The following NFASC variants were observed in gnomAD, a reference collection of about 807,000 sequenced individuals.
NFASC encodes the protein neurofascin, also known as neurofascin homolog.
A neutral mutation model predicts 147.5 loss-of-function variants in NFASC; 43 were observed. The observed-to-expected ratio is 0.29, with a 90% CI of 0.23 to 0.38. The LOEUF is 0.38. NFASC is among the 10% of genes least tolerant of loss of function. The pLI is 1.00. For synonymous variants in NFASC, 622 were observed against 665.5 expected (o/e 0.93, Z 1.01); for missense variants, 1,320 against 1,689.0 (o/e 0.78, Z 3.83).
chr1:204,953,990 C>T (rs751654309), intron 5 of NFASC, among the ~76,000 whole-genome samples, 198 bp from the exon 6 acceptor site: 1 of 151,994 alleles, frequency 6.6e-6, no homozygotes, highest in Non-Finnish European at 1.5e-5. Flanking sequence ...TTGGGTGGGA[C>T]CTGGGACTTT....
In NFASC at chr1:204,987,361, C is replaced by T. The variant is rs2095637882; in HGVS notation, c.2471-57C>T. On this transcript the variant is annotated intron_variant, in intron 21 of 29. Transcript: ENST00000339876. The surrounding 1 kb of genome is among the most constrained non-coding windows in gnomAD (Gnocchi z 4.4). The stretch of plus-strand genomic sequence containing the variant: ...ACTTGTGCTTTGTTTTTTGTGTTTT[C>T]CTCATCCTCCCTGCCCCCTCCCCCT... 3 of 1,536,554 alleles carry T rather than the reference C, an allele frequency of 2.0e-6. No individual in the cohort carries two copies. Among genetic ancestry groups the T allele is most frequent in the Admixed American group, 1.9e-5 (1 of 52,764 alleles).
chr1:204,998,876 C>G (rs1259935239), intron 25 of NFASC: 1 of 152,182 alleles, frequency 6.6e-6, no homozygotes, highest in African/African-American at 2.4e-5. Flanking sequence ...AGGACCAGCC[C>G]CTCCAGAGTC....
At chr1:204,901,658 G>A (rs576451546) in intron 1 of NFASC, among the ~76,000 whole-genome samples, 2 of 152,260 alleles carry the variant, frequency 1.3e-5, no homozygotes, top group South Asian at 4.1e-4. Context: ...GCCTTTCCTT[G>A]TGAAGGAAAG....
chr1:204,913,070 A>G (rs776846145), intron 1 of NFASC, among the ~76,000 whole-genome samples: 12 of 152,308 alleles, frequency 7.9e-5, no homozygotes, highest in African/African-American at 2.6e-4. Flanking sequence ...ATAACTTTCA[A>G]TGTGGTGGGA....
chr1:204,983,366 G>C (rs972096553), intron 21 of NFASC, among the ~76,000 whole-genome samples: 2 of 152,150 alleles, frequency 1.3e-5, no homozygotes, highest in African/African-American at 4.8e-5. Context: ...ATTCTCAAAA[G>C]GAACTATTTA....
At chr1:204,932,742 T>C (rs1053645108) in intron 2 of NFASC, among the ~76,000 whole-genome samples, 21 of 152,194 alleles carry the variant, frequency 1.4e-4, no homozygotes, top group African/African-American at 4.6e-4. Flanking sequence ...AAGCCTAAGA[T>C]AGTCACTATC....
intron 1 of NFASC, among the ~76,000 whole-genome samples, chr1:204,896,296 G>T (rs2083383568): frequency 6.6e-6 from 1 of 152,196 alleles, no homozygotes; most frequent in Non-Finnish European, 1.5e-5. Context: ...GACGGGTCTA[G>T]AATGTGAATT....
At chr1:204,982,685 C>T (rs556113567) in intron 21 of NFASC, among the ~76,000 whole-genome samples, 1 of 152,370 alleles carries the variant, frequency 6.6e-6, no homozygotes, top group East Asian at 1.9e-4. Flanking sequence ...CGGTGGTGGC[C>T]TCTCTGTCCC....
In NFASC at chr1:205,016,886, G is replaced by A. The variant is rs903621579; in HGVS notation, c.*347G>A. 5 of 385,048 alleles carry A rather than the reference G, an allele frequency of 1.3e-5. 1 individual carries two copies. The highest frequency in any genetic ancestry group is 1.2e-4 in the East Asian group (2 of 16,772). 23.9% of individuals were successfully genotyped at this position (385,048 alleles called of 1,614,324 possible). A position where few individuals can be genotyped will look rare whatever the true frequency, so the allele number is the denominator to read the frequency against. ...CGCTCACCTTTTCTGTTGGTTACGG[G>A]ACTTCTCATTGTCTTAATTTCGCTT... On this transcript the variant is annotated 3_prime_UTR_variant, in exon 30 of 30. Transcript: ENST00000339876. This position sits in a 1 kb window ranked among gnomAD's most constrained non-coding sequence, Gnocchi z 5.1.
At chr1:204,850,075 T>G (rs1399985592) in intron 1 of NFASC, among the ~76,000 whole-genome samples, 1 of 152,208 alleles carries the variant, frequency 6.6e-6, no homozygotes, top group Non-Finnish European at 1.5e-5. Context: ...AAGAGAGGAC[T>G]TGGAGTAAGG....
rs1250065026 is a variant in NFASC at position 205,017,099 on chromosome 1, CA to C, written c.*561del. The C allele has an allele frequency of 5.7e-6, 1 of 174,094 alleles. No individual in the cohort carries two copies. The highest frequency in any genetic ancestry group is 2.4e-5 in the African/African-American group (1 of 42,340). The allele number at this position is 174,094 out of a possible 1,614,324, so 10.8% of individuals were successfully genotyped here. ...TATTCAAACCACCTCTGGGCCAATG[CA>C]TTTCCAAAGGATGCCTTTCTCGCCA... On this transcript the variant is annotated 3_prime_UTR_variant, in exon 30 of 30. Coordinates refer to ENST00000339876, the MANE Select transcript of NFASC (RefSeq NM_001005388.3).
chr1:204,973,913 G>T (rs1345538366), intron 12 of NFASC, among the ~76,000 whole-genome samples: 1 of 152,192 alleles, frequency 6.6e-6, no homozygotes, highest in Non-Finnish European at 1.5e-5. Context: ...TGATGGGGCA[G>T]CTATGGAACC....
At chr1:204,990,202 T>G (rs1396316317) in intron 23 of NFASC, 2 of 152,136 alleles carry the variant, frequency 1.3e-5, no homozygotes, top group East Asian at 3.9e-4. Flanking sequence ...CAACCAGCTC[T>G]CCCTCCTGCT....
Position 204,874,116 on chromosome 1 carries a change from GCT to G in NFASC, c.-200+45341_-200+45342del, listed in dbSNP as rs148669344. On this transcript the variant is annotated intron_variant, in intron 1 of 29. Coordinates refer to ENST00000339876, the MANE Select transcript of NFASC (RefSeq NM_001005388.3). Reference sequence around the variant, plus strand: ...TTAGCACAGGAGTAGGAAGGAGGAGGCTCTCTCTGTCCAGTCCTATGCAGCCT... The same window carrying G: ...TTAGCACAGGAGTAGGAAGGAGGAGGCTCTCTGTCCAGTCCTATGCAGCCT... Among the ~76,000 whole-genome samples the G allele has an allele frequency of 2.3e-3, 349 of 152,272 alleles. 3 individuals are homozygous for G. Among genetic ancestry groups the G allele is most frequent in the African/African-American group, 7.7e-3 (321 of 41,538 alleles).
chr1:204,872,307 T>C (rs2077873292), intron 1 of NFASC, among the ~76,000 whole-genome samples: 1 of 152,232 alleles, frequency 6.6e-6, no homozygotes, highest in Non-Finnish European at 1.5e-5. Flanking sequence ...GAGGAGGCTC[T>C]ACAGAGAATT....
chr1:204,841,322 C>T lies in NFASC; in HGVS notation c.-200+12540C>T, dbSNP rs181519542. ...GTGTCTGATTCCAAAGTCTCCTAAT[C>T]CCAGCTCATTACCCATTGGGAAACT... is the stretch of plus-strand genomic sequence containing the variant. On this transcript the variant is annotated intron_variant, in intron 1 of 29. Transcript: ENST00000339876. Among the ~76,000 whole-genome samples the T allele has an allele frequency of 1.1e-3, 174 of 152,358 alleles. 3 individuals carry two copies. The highest frequency in any genetic ancestry group is 7.1e-3 in the Admixed American group (108 of 15,308).
chr1:205,002,760 C>A lies in NFASC; in HGVS notation c.3289+12C>A. 7.0e-7 allele frequency: 1 copy of A among 1,432,914 alleles called. No individual in the cohort carries two copies. The highest frequency in any genetic ancestry group is 1.5e-5 in the South Asian group (1 of 64,884). 88.8% of individuals were successfully genotyped at this position (1,432,914 alleles called of 1,614,324 possible). Reference sequence around the variant, plus strand: ...TATGACCAGTACAGGTGAGAGGGGACCTGGCCTGGCCATCCCCTGCAAGCA... The same window carrying A: ...TATGACCAGTACAGGTGAGAGGGGAACTGGCCTGGCCATCCCCTGCAAGCA... On this transcript the variant is annotated intron_variant, in intron 27 of 29. Transcript: ENST00000339876.
chr1:204,976,487 G>C (rs575982291), intron 15 of NFASC, among the ~76,000 whole-genome samples, 184 bp from the exon 16 acceptor site: 1 of 152,304 alleles, frequency 6.6e-6, no homozygotes, highest in African/African-American at 2.4e-5. Context: ...CATCAAGTAT[G>C]ATGAGTGCTC....
At chr1:204,933,089 T>C (rs1282314690) in intron 2 of NFASC, among the ~76,000 whole-genome samples, 1 of 152,108 alleles carries the variant, frequency 6.6e-6, no homozygotes, top group Non-Finnish European at 1.5e-5. Context: ...AAACCTTGAG[T>C]GCTGCACTCA....
Sources: gnomAD v4.1 joint callset for allele counts (sites outside exome capture counted in the v4.1 genomes callset) on GRCh38, gnomAD v4.1.1 for gene constraint, Gnocchi (gnomAD v3.1) non-coding constraint, MANE v1.5 for transcripts, NCBI Gene and HGNC (gene_info 2026-07-23, HGNC 2026-07-21) for gene names.